SLC25A26: variants seen among roughly 807,000 people sequenced by gnomAD.
The protein encoded by SLC25A26 is mitochondrial S-adenosylmethionine carrier protein.
SLC25A26 carries 36 observed loss-of-function variants against 37.8 expected under a neutral mutation model. The ratio of observed to expected loss-of-function variants is 0.95; its 90% CI spans 0.73 to 1.26. SLC25A26 has a LOEUF of 1.26. SLC25A26 is among the 50% of genes most tolerant of loss of function. The pLI is 0.00. For missense variants in SLC25A26, 390 were observed against 331.1 expected (o/e 1.18, Z -1.38); for synonymous variants, 129 against 122.5 (o/e 1.05, Z -0.35).
chr3:66,182,032 G>A (rs2070719200), intron 1 of SLC25A26, among the ~76,000 whole-genome samples: 1 of 151,996 alleles, frequency 6.6e-6, no homozygotes, highest in African/African-American at 2.4e-5. Flanking sequence ...GGCTTTCAAG[G>A]ATATATTATA....
rs763783088 is a variant in SLC25A26, at chr3:66,141,810, G to A, written c.-354+7826G>A. ...ATTACAGGCGTGGGCCACTGCGCCG[G>A]TCTTGAATGTATTCTTTTCTTCCTG... On this transcript the variant is annotated intron_variant, in intron 1 of 10. Coordinates refer to the SLC25A26 transcript ENST00000676754. Among the ~76,000 whole-genome samples the A allele has an allele frequency of 6.0e-4, 92 of 152,302 alleles. 1 individual carries two copies. Among genetic ancestry groups the A allele is most frequent in the Admixed American group, 2.1e-3 (32 of 15,292 alleles).
At chr3:66,213,044 C>T (rs986173378) in intron 1 of SLC25A26, among the ~76,000 whole-genome samples, 24 of 152,250 alleles carry the variant, frequency 1.6e-4, no homozygotes, top group African/African-American at 5.8e-4. Context: ...CCTCTATCCT[C>T]CCTGGATAAA....
At chr3:66,363,210 G>A (rs1287493625) in intron 7 of SLC25A26, among the ~76,000 whole-genome samples, 1 of 152,140 alleles carries the variant, frequency 6.6e-6, no homozygotes, top group Non-Finnish European at 1.5e-5. Context: ...CCTTAAAGAT[G>A]ATTTATAAAG....
chr3:66,212,706 C>T lies in SLC25A26; in HGVS notation c.-353-8036C>T, dbSNP rs1015377114. Among the ~76,000 whole-genome samples the T allele has an allele frequency of 3.7e-3, 567 of 152,306 alleles. 1 individual carries two copies. The highest frequency in any genetic ancestry group is 7.5e-3 in the Admixed American group (115 of 15,300). The stretch of plus-strand genomic sequence containing the variant: ...TTTTATCTCTATAAATTTGACTACT[C>T]TGGACATCTCACCTAAATGGAATCA... On this transcript the variant is annotated intron_variant, in intron 1 of 10. Coordinates refer to the SLC25A26 transcript ENST00000676754.
At chr3:66,230,386 G>A (rs999135735) in intron 1 of SLC25A26, among the ~76,000 whole-genome samples, 3 of 152,166 alleles carry the variant, frequency 2.0e-5, no homozygotes, top group African/African-American at 7.2e-5. Flanking sequence ...GAGGAATGTG[G>A]CATTGGGTTG....
chr3:66,205,670 A>G (rs1223178207), intron 1 of SLC25A26, among the ~76,000 whole-genome samples: 2 of 152,326 alleles, frequency 1.3e-5, no homozygotes, highest in East Asian at 1.9e-4. Flanking sequence ...AGAACTCACA[A>G]CTTAGCTCTT....
rs142745542 is a variant in SLC25A26 at position 66,169,145 on chromosome 3, G to A, written c.-354+35161G>A. 6.9e-3 allele frequency among the ~76,000 whole-genome samples: 1,044 copies of A among 152,102 alleles called. 8 individuals carry two copies. Among genetic ancestry groups the A allele is most frequent in the Non-Finnish European group, 0.01 (699 of 67,972 alleles). On this transcript the variant is annotated intron_variant, in intron 1 of 10. Coordinates refer to the SLC25A26 transcript ENST00000676754. ...GTGTCTAAAAGAAAAGAAAATCCTC[G>A]TTCTTTCTTGACATCTTTTGGCTTC...
At chr3:66,229,265 G>A (rs532159394) in intron 1 of SLC25A26, among the ~76,000 whole-genome samples, 1 of 152,298 alleles carries the variant, frequency 6.6e-6, no homozygotes, top group Admixed American at 6.5e-5. Flanking sequence ...ACTCTATGAA[G>A]TATAGGTACT....
chr3:66,211,803 T>C (rs2071287131), intron 1 of SLC25A26, among the ~76,000 whole-genome samples: 1 of 152,244 alleles, frequency 6.6e-6, no homozygotes, highest in African/African-American at 2.4e-5. Context: ...ATGTCTTTTA[T>C]TGTTGTAAAA....
At chr3:66,139,742 C>T (rs1381278532) in intron 1 of SLC25A26, among the ~76,000 whole-genome samples, 1 of 152,174 alleles carries the variant, frequency 6.6e-6, no homozygotes, top group Non-Finnish European at 1.5e-5. Flanking sequence ...AATGTACTCA[C>T]AGTGTCATTT....
chr3:66,278,309 T>G (rs964740208), intron 5 of SLC25A26, among the ~76,000 whole-genome samples: 1 of 152,160 alleles, frequency 6.6e-6, no homozygotes, highest in African/African-American at 2.4e-5. Flanking sequence ...TTTCTTTTAT[T>G]GTTAACTTGT....
intron 5 of SLC25A26, among the ~76,000 whole-genome samples, chr3:66,295,286 C>T (rs966064510): frequency 3.9e-5 from 6 of 152,050 alleles, no homozygotes; most frequent in African/African-American, 7.2e-5. Flanking sequence ...TGCAGTGGCG[C>T]GATCTCAGCT....
chr3:66,230,454 G>A (rs533434345), intron 1 of SLC25A26, among the ~76,000 whole-genome samples: 3 of 152,010 alleles, frequency 2.0e-5, no homozygotes, highest in Non-Finnish European at 4.4e-5. Flanking sequence ...TATGTATGTA[G>A]GGGGGTGGAG....
chr3:66,306,272 G>T (rs540203038), intron 5 of SLC25A26, among the ~76,000 whole-genome samples: 7 of 152,166 alleles, frequency 4.6e-5, no homozygotes, highest in South Asian at 2.1e-4. Flanking sequence ...AAGCCACTGC[G>T]CCTGGTCTGT....
At chr3:66,217,223 A>G (rs2071375254), upstream of SLC25A26, among the ~76,000 whole-genome samples, 1 of 152,254 alleles carries the variant, frequency 6.6e-6, no homozygotes, top group Non-Finnish European at 1.5e-5. Context: ...AATCAAAATT[A>G]AAGGTATAAG....
At chr3:66,370,650 C>T (rs1394469552) in intron 9 of SLC25A26, 48 bp downstream of exon 9, 1 of 1,459,656 alleles carries the variant, frequency 6.9e-7, no homozygotes, top group East Asian at 2.3e-5. Flanking sequence ...CACCACTCCT[C>T]CTCCTTTAGC....
intron 1 of SLC25A26, among the ~76,000 whole-genome samples, chr3:66,145,836 G>T (rs2070107228): frequency 6.6e-6 from 1 of 151,872 alleles, no homozygotes; most frequent in Non-Finnish European, 1.5e-5. Context: ...AAATTTCAGA[G>T]TGTTTTGTTT....
At chr3:66,287,546 C>G (rs571579178) in intron 5 of SLC25A26, among the ~76,000 whole-genome samples, 5 of 152,030 alleles carry the variant, frequency 3.3e-5, no homozygotes, top group African/African-American at 1.2e-4. Context: ...TTTTTTGATT[C>G]ATAATATAGT....
chr3:66,209,071 C>T (rs1364127839), intron 1 of SLC25A26, among the ~76,000 whole-genome samples: 29,328 of 49,790 alleles, frequency 0.59, 9,633 homozygotes, highest in Middle Eastern at 0.83. Context: ...TATATACACA[C>T]ACACACCCAT....
Sources: gnomAD v4.1 joint callset for allele counts (sites outside exome capture counted in the v4.1 genomes callset) on GRCh38, gnomAD v4.1.1 for gene constraint, MANE v1.5 for transcripts, NCBI Gene and HGNC (gene_info 2026-07-23, HGNC 2026-07-21) for gene names.